The following SIK2 variants were observed in gnomAD, a reference collection of about 807,000 sequenced individuals.
SIK2 encodes salt inducible kinase 2, also known as serine/threonine-protein kinase SIK2.
SIK2 carries 29 observed loss-of-function variants against 103.2 expected under a neutral mutation model. The observed-to-expected ratio is 0.28, with a 90% CI of 0.21 to 0.38. The LOEUF (loss-of-function observed/expected upper bound fraction) is 0.38, where lower values mean the gene tolerates loss of function less well. Among genes scored for constraint, SIK2 ranks in the 10% least tolerant of loss-of-function variants. The probability of loss-of-function intolerance (pLI) is 1.00; values close to 1 mark genes in which losing one functional copy is unlikely to be tolerated. For missense variants in SIK2, 879 were observed against 1,171.0 expected (o/e 0.75, Z 3.64); for synonymous variants, 412 against 446.1 (o/e 0.92, Z 0.96).
chr11:111,686,408 TC>T (rs557947940), intron 3 of SIK2, among the ~76,000 whole-genome samples: 49 of 152,178 alleles, frequency 3.2e-4, no homozygotes, highest in Admixed American at 8.5e-4. Flanking sequence ...ACCACTGCAC[TC>T]CAGCCTAGGC....
chr11:111,666,943 T>TTTATTTA (rs1555030142), intron 3 of SIK2, among the ~76,000 whole-genome samples: 1 of 145,384 alleles, frequency 6.9e-6, no homozygotes, highest in African/African-American at 2.6e-5. Flanking sequence ...TTTTATTTTA[T>TTTATTTA]TTTATTTATT....
rs1027712933 is a variant in SIK2, at chr11:111,680,551, A to G, written c.317-7450A>G. On this transcript the variant is annotated intron_variant, in intron 3 of 14. Transcript: ENST00000304987. The stretch of plus-strand genomic sequence containing the variant: ...AAATATTTAATTCCATAAATTATTA[A>G]TCTTTTGTGCTGTTATTCAGCTCCA... Among the ~76,000 whole-genome samples the G allele has an allele frequency of 3.3e-5, 5 of 152,342 alleles. No individual in the cohort carries two copies. In the East Asian group the frequency reaches 7.7e-4, roughly 23 times the overall value.
At chr11:111,672,616 G>A (rs1182273758) in intron 3 of SIK2, among the ~76,000 whole-genome samples, 1 of 152,068 alleles carries the variant, frequency 6.6e-6, no homozygotes, top group African/African-American at 2.4e-5. Context: ...GGAAGATGGT[G>A]GAAAAGATTG....
At chr11:111,714,568 T>C (rs1315372668) in intron 9 of SIK2, among the ~76,000 whole-genome samples, 1 of 152,014 alleles carries the variant, frequency 6.6e-6, no homozygotes, top group Non-Finnish European at 1.5e-5. Context: ...TAGTGGCAGA[T>C]AGAGATGGTG....
At chr11:111,721,732 G>T in intron 12 of SIK2, 98 bp from the exon 13 acceptor site, 1 of 800,222 alleles carries the variant, frequency 1.2e-6, no homozygotes, top group Non-Finnish European at 1.9e-6. Context: ...CAGTGGAGTT[G>T]GTATTCCTAT....
intron 4 of SIK2, among the ~76,000 whole-genome samples, chr11:111,698,470 G>C (rs1206676386): frequency 3.3e-5 from 5 of 152,122 alleles, no homozygotes; most frequent in African/African-American, 1.2e-4. Context: ...TGGGCCAGGT[G>C]GTGGCTCACA....
intron 3 of SIK2, among the ~76,000 whole-genome samples, chr11:111,674,506 G>A (rs1814175644): frequency 6.6e-6 from 1 of 152,132 alleles, no homozygotes; most frequent in Non-Finnish European, 1.5e-5. Flanking sequence ...AATGTAGTCC[G>A]CATGAATAGT....
Position 111,719,692 on chromosome 11 carries a change from A to G in SIK2, c.1267-83A>G, listed in dbSNP as rs942314288. The G allele has an allele frequency of 1.3e-5, 18 of 1,365,846 alleles. No homozygotes were observed. The Admixed American group carries it at 2.3e-4, about 17-fold the overall frequency. 84.6% of individuals were successfully genotyped at this position (1,365,846 alleles called of 1,614,324 possible). On this transcript the variant is annotated intron_variant, in intron 9 of 14. Transcript: ENST00000304987. Reference sequence around the variant, plus strand: ...TATTTTACTTAATTTCTAGTTCGCCACAAGTCTTGACATGTTTTCCTTTGT... The same window carrying G: ...TATTTTACTTAATTTCTAGTTCGCCGCAAGTCTTGACATGTTTTCCTTTGT...
intron 8 of SIK2, among the ~76,000 whole-genome samples, chr11:111,711,929 C>A (rs1021283032): frequency 6.6e-6 from 1 of 152,228 alleles, no homozygotes; most frequent in African/African-American, 2.4e-5. Flanking sequence ...CTTGATTCCT[C>A]ACAAAAGCTA....
rs141143860 is a variant in SIK2, at chr11:111,615,477, A to G, written c.136-766A>G. Among the ~76,000 whole-genome samples, 1,097 of 152,242 alleles carry G rather than the reference A, an allele frequency of 7.2e-3. 6 individuals carry two copies. Among genetic ancestry groups the G allele is most frequent in the Non-Finnish European group, 0.011 (744 of 68,016 alleles). On this transcript the variant is annotated intron_variant, in intron 1 of 14. Transcript: ENST00000304987. ...AGAATGCTTTATTTTCCAACCAAAT[A>G]TCTACTAATTTTAATAAATTAGTTC...
intron 3 of SIK2, among the ~76,000 whole-genome samples, chr11:111,632,970 C>G (rs1285908713): frequency 1.3e-5 from 2 of 152,216 alleles, no homozygotes; most frequent in Non-Finnish European, 1.5e-5. Context: ...GTTTGGGCTC[C>G]TGTCTTCTGT....
chr11:111,694,200 A>T (rs912288112), intron 4 of SIK2, among the ~76,000 whole-genome samples: 3 of 152,166 alleles, frequency 2.0e-5, no homozygotes, highest in African/African-American at 7.2e-5. Context: ...AAGCCTTAAA[A>T]TTTTAATAGC....
intron 7 of SIK2, among the ~76,000 whole-genome samples, chr11:111,704,049 T>C (rs1360390990): frequency 2.0e-5 from 3 of 152,180 alleles, no homozygotes; most frequent in Non-Finnish European, 2.9e-5. Context: ...GGAAGAAACA[T>C]AACAAGAAAG....
At chr11:111,721,798 T>C (rs371758577) in intron 12 of SIK2, 32 bp from the exon 13 acceptor site, 32 of 1,555,894 alleles carry the variant, frequency 2.1e-5, no homozygotes, top group Admixed American at 9.5e-5. Context: ...CCATGGGGAA[T>C]TGAAAATTGT....
At chr11:111,613,153 G>T (rs1287984785) in intron 1 of SIK2, among the ~76,000 whole-genome samples, 13 of 151,754 alleles carry the variant, frequency 8.6e-5, no homozygotes, top group Non-Finnish European at 1.6e-4. Flanking sequence ...TTCCAAAAGG[G>T]TATAAAAAAG....
In SIK2 at chr11:111,729,452, G is replaced by A. The variant is rs1411210825; in HGVS notation, c.*5323G>A. 1.3e-5 allele frequency: 2 copies of A among 152,234 alleles called. No homozygotes were observed. Among genetic ancestry groups the A allele is most frequent in the Non-Finnish European group, 2.9e-5 (2 of 68,044 alleles). The allele number at this position is 152,234 out of a possible 1,614,324, so 9.4% of individuals were successfully genotyped here. A position where few individuals can be genotyped will look rare whatever the true frequency, so the allele number is the denominator to read the frequency against. On this transcript the variant is annotated 3_prime_UTR_variant, in exon 15 of 15. Transcript: ENST00000304987. Reference sequence around the variant, plus strand: ...ACAATTCTATGAAATTAGCTGGGGAGATACTGTCCTTATTTTTCACAGCTG... The same window carrying A: ...ACAATTCTATGAAATTAGCTGGGGAAATACTGTCCTTATTTTTCACAGCTG...
At position 111,719,953 on chromosome 11, in the gene SIK2, G is replaced by A; in HGVS notation, c.1445G>A (p.Arg482Gln). 1.9e-6 allele frequency: 3 copies of A among 1,614,134 alleles called. No homozygotes were observed. Among genetic ancestry groups the A allele is most frequent in the African/African-American group, 1.3e-5 (1 of 75,048 alleles). ...CAGTCCACACGCAGCGGGCAGAGAC[G>A]GCACACTCTGTCAGAAGTGACCAAT... ...AFQSTRSGQR[R>Q]HTLSEVTNQL... Residue 482 changes from arginine to glutamine, a missense_variant, in exon 10 of 15, where the codon CGG becomes CAG. Coordinates refer to ENST00000304987, the MANE Select transcript of SIK2 (RefSeq NM_015191.3).
At chr11:111,672,832 ACT>A (rs1208361617) in intron 3 of SIK2, among the ~76,000 whole-genome samples, 2 of 152,140 alleles carry the variant, frequency 1.3e-5, no homozygotes, top group African/African-American at 4.8e-5. Flanking sequence ...CACTTTCTAA[ACT>A]CTCTTGATTG....
intron 3 of SIK2, among the ~76,000 whole-genome samples, chr11:111,665,415 C>T (rs1942524599): frequency 6.6e-6 from 1 of 151,942 alleles, no homozygotes; most frequent in Non-Finnish European, 1.5e-5. Context: ...GAAACCCTGT[C>T]TCTACTAAAC....
Sources: allele counts gnomAD v4.1 joint callset (sites outside exome capture counted in the v4.1 genomes callset), GRCh38; gene constraint gnomAD v4.1.1; transcripts MANE v1.5; gene names NCBI Gene and HGNC (gene_info 2026-07-23, HGNC 2026-07-21).